The following SYT11 variants were observed in gnomAD, a reference collection of about 807,000 sequenced individuals.
SYT11 encodes the protein synaptotagmin-11.
A neutral mutation model predicts 30.4 loss-of-function variants in SYT11; 12 were observed. The ratio of observed to expected loss-of-function variants is 0.39; its 90% confidence interval spans 0.25 to 0.64. The LOEUF (loss-of-function observed/expected upper bound fraction) is 0.64. Ranked by LOEUF, SYT11 falls within the 30% of genes least tolerant of loss-of-function variation. The pLI is 0.45. For synonymous variants in SYT11, 204 were observed against 216.0 expected, an observed-to-expected ratio of 0.94 and a Z score of 0.49; for missense variants, 412 against 552.0, an observed-to-expected ratio of 0.75 and a Z score of 2.54.
In SYT11 at chr1:155,868,294, T is replaced by A; in HGVS notation, c.364T>A (p.Leu122Ile). The change falls in exon 2 of 4, where the codon TTA becomes ATA. Residue 122 changes from leucine (L) to isoleucine (I), a missense_variant. Leu to Ile is a conservative substitution (Grantham distance 5). Transcript: ENST00000368324. This position sits in a 1 kb window ranked among gnomAD's most constrained non-coding sequence, Gnocchi z 4.7. ...TAGCTCTGGATCTTGTATAGACCAA[T>A]TACCCATCAAAATGGACTATGGGGA... Reference protein sequence around the residue: ...GPSSGSCIDQLPIKMDYGEEL... With the variant: ...GPSSGSCIDQIPIKMDYGEEL... 1 of 1,613,876 alleles carries A rather than the reference T, an allele frequency of 6.2e-7. No homozygotes were observed. Among genetic ancestry groups the A allele is most frequent in the Non-Finnish European group, 8.5e-7 (1 of 1,179,964 alleles).
Position 155,882,985 on chromosome 1 carries a change from T to G in SYT11, c.*1477T>G, listed in dbSNP as rs1673005685. 1 of 152,310 alleles carries G rather than the reference T, an allele frequency of 6.6e-6. No homozygotes were observed. Among genetic ancestry groups the G allele is most frequent in the African/African-American group, 2.4e-5 (1 of 41,440 alleles). 9.4% of individuals were successfully genotyped at this position (152,310 alleles called of 1,614,324 possible). The stretch of plus-strand genomic sequence containing the variant: ...TTAAAAAAATAACAGTGTGACTGAG[T>G]GAATGAAGATAAGTTGGATTCTTTC... On this transcript the variant is annotated 3_prime_UTR_variant, in exon 4 of 4. Coordinates refer to ENST00000368324, the MANE Select transcript of SYT11 (RefSeq NM_152280.5).
chr1:155,876,235 C>CTTTTTTTTTT (rs67952920), intron 2 of SYT11, among the ~76,000 whole-genome samples: 26 of 96,132 alleles, frequency 2.7e-4, no homozygotes, highest in East Asian at 1.6e-3. Context: ...ACTCACCTCC[C>CTTTTTTTTTT]TTTTTTTTTT....
intron 1 of SYT11, among the ~76,000 whole-genome samples, chr1:155,866,086 A>G (rs1672667766): frequency 6.6e-6 from 1 of 151,078 alleles, no homozygotes; most frequent in Non-Finnish European, 1.5e-5. Flanking sequence ...AAACAAAAAA[A>G]AAATCTATTT....
intron 2 of SYT11, among the ~76,000 whole-genome samples, chr1:155,873,289 G>A (rs1259058949): frequency 6.6e-6 from 1 of 152,122 alleles, no homozygotes; most frequent in Non-Finnish European, 1.5e-5. Flanking sequence ...AGCTGGGCGT[G>A]GTGGCACGTG....
Position 155,868,827 on chromosome 1 carries a change from G to C in SYT11, c.861+36G>C. Reference sequence around the variant, plus strand: ...AGTGTGTGTTGGGGAGCAATGGTAGGTTGGGGGAGAAAATATCTCAGGGGA... The same window carrying C: ...AGTGTGTGTTGGGGAGCAATGGTAGCTTGGGGGAGAAAATATCTCAGGGGA... On this transcript the variant is annotated intron_variant, in intron 2 of 3. Transcript: ENST00000368324. This position sits in a 1 kb window ranked among gnomAD's most constrained non-coding sequence, Gnocchi z 4.7. 2.5e-6 allele frequency: 4 copies of C among 1,573,730 alleles called. No homozygotes were observed. The highest frequency in any genetic ancestry group is 3.5e-6 in the Non-Finnish European group (4 of 1,155,024).
intron 2 of SYT11, among the ~76,000 whole-genome samples, chr1:155,875,784 CAT>C (rs1232739819): frequency 1.3e-5 from 2 of 152,184 alleles, no homozygotes; most frequent in African/African-American, 2.4e-5. Flanking sequence ...TTTTTAAAAT[CAT>C]GTGAAATATC....
At chr1:155,870,325 T>C (rs1320797909) in intron 2 of SYT11, among the ~76,000 whole-genome samples, 1 of 152,230 alleles carries the variant, frequency 6.6e-6, no homozygotes, top group South Asian at 2.1e-4. Context: ...AGGATGATGA[T>C]TTTATATAGC....
intron 2 of SYT11, among the ~76,000 whole-genome samples, chr1:155,869,022 T>C (rs1441243660): frequency 6.6e-6 from 1 of 152,166 alleles, no homozygotes; most frequent in Non-Finnish European, 1.5e-5. Context: ...CTTTCACCAT[T>C]TCACTTAGTG....
At chr1:155,879,098 G>A (rs1205005474) in intron 2 of SYT11, among the ~76,000 whole-genome samples, 1 of 151,874 alleles carries the variant, frequency 6.6e-6, no homozygotes, top group Non-Finnish European at 1.5e-5. Context: ...CTGGCATGCA[G>A]TGCCTATGAA....
At chr1:155,865,773 G>A (rs1287322775) in intron 1 of SYT11, among the ~76,000 whole-genome samples, 1 of 148,960 alleles carries the variant, frequency 6.7e-6, no homozygotes. Flanking sequence ...CACCTCCTGG[G>A]CTCAAGTGAT....
chr1:155,867,887 C>G, intron 1 of SYT11, 78 bp from the exon 2 acceptor site: 1 of 1,075,246 alleles, frequency 9.3e-7, no homozygotes, highest in Non-Finnish European at 1.3e-6. Context: ...TTGGCTCCAG[C>G]AGTGGCAATG....
Position 155,881,660 on chromosome 1 carries a change from CA to C in SYT11, c.*153del. On this transcript the variant is annotated 3_prime_UTR_variant, in exon 4 of 4. Transcript: ENST00000368324. The stretch of plus-strand genomic sequence containing the variant: ...TTCCACAAAGAACACCCTATATGAC[CA>C]CAGCTGCAGATCAGTTCTTAGCAAT... 1.6e-6 allele frequency: 1 copy of C among 643,116 alleles called. No individual in the cohort carries two copies. The highest frequency in any genetic ancestry group is 2.7e-6 in the Non-Finnish European group (1 of 373,596). The allele number at this position is 643,116 out of a possible 1,614,324, so 39.8% of individuals were successfully genotyped here.
chr1:155,866,967 TACAC>T (rs60368180), intron 1 of SYT11, among the ~76,000 whole-genome samples: 39,418 of 146,438 alleles, frequency 0.27, 5,334 homozygotes, highest in East Asian at 0.52. Context: ...TATATACACA[TACAC>T]ACACACACAC....
At position 155,874,657 on chromosome 1, in the gene SYT11, G is replaced by A. The variant is rs185116330; in HGVS notation, c.862-5843G>A. Among the ~76,000 whole-genome samples, 11 of 150,206 alleles carry A rather than the reference G, an allele frequency of 7.3e-5. 1 individual carries two copies. Among genetic ancestry groups the A allele is most frequent in the Non-Finnish European group, 1.6e-4 (11 of 67,340 alleles). On this transcript the variant is annotated intron_variant, in intron 2 of 3. Coordinates refer to ENST00000368324, the MANE Select transcript of SYT11 (RefSeq NM_152280.5). ...TGTAATCCCAGCACTTTGGGAGGCCGAGGCAGGCGGATCACGAGGTCAGGA... is the reference window on the plus strand; with the variant it reads ...TGTAATCCCAGCACTTTGGGAGGCCAAGGCAGGCGGATCACGAGGTCAGGA...
At chr1:155,872,555 C>T (rs1672795617) in intron 2 of SYT11, among the ~76,000 whole-genome samples, 1 of 152,194 alleles carries the variant, frequency 6.6e-6, no homozygotes, top group Non-Finnish European at 1.5e-5. Context: ...AGAGCCGAGC[C>T]CCGCAGCTCT....
intron 2 of SYT11, among the ~76,000 whole-genome samples, chr1:155,878,941 C>G (rs1339691832): frequency 6.6e-6 from 1 of 151,878 alleles, no homozygotes; most frequent in Non-Finnish European, 1.5e-5. Context: ...CTGAATCTCC[C>G]AGCTCTAGGT....
Position 155,881,680 on chromosome 1 carries a change from TA to T in SYT11, c.*173del, listed in dbSNP as rs371673241. On this transcript the variant is annotated 3_prime_UTR_variant, in exon 4 of 4. Transcript: ENST00000368324. ...ATGACCACAGCTGCAGATCAGTTCT[TA>T]GCAATGATGTTTTTTTTTCTGCTTT... 226 of 549,096 alleles carry T rather than the reference TA, an allele frequency of 4.1e-4. No individual in the cohort carries two copies. Among genetic ancestry groups the T allele is most frequent in the Middle Eastern group, 9.8e-4 (2 of 2,032 alleles). The allele number at this position is 549,096 out of a possible 1,614,324, so 34.0% of individuals were successfully genotyped here.
intron 3 of SYT11, 77 bp from the exon 4 acceptor site, chr1:155,881,121 C>A: frequency 6.9e-7 from 1 of 1,459,424 alleles, no homozygotes; most frequent in East Asian, 2.3e-5. Context: ...CCTTTCCCAA[C>A]ATGAAATTAC....
intron 2 of SYT11, among the ~76,000 whole-genome samples, chr1:155,878,835 C>A (rs558779529): frequency 1.2e-3 from 184 of 151,578 alleles, no homozygotes; most frequent in African/African-American, 4.2e-3. Flanking sequence ...CCACTACACT[C>A]CAGCCTGGGT....
Sources: gnomAD v4.1 joint callset for allele counts (sites outside exome capture counted in the v4.1 genomes callset) on GRCh38, gnomAD v4.1.1 for gene constraint, Gnocchi (gnomAD v3.1) non-coding constraint, MANE v1.5 for transcripts, NCBI Gene and HGNC (gene_info 2026-07-23, HGNC 2026-07-21) for gene names.